The following MNT variants were observed in gnomAD, a reference collection of about 807,000 sequenced individuals.
The protein encoded by MNT is max-binding protein MNT.
A neutral mutation model predicts 40.7 loss-of-function variants in MNT; 13 were observed. The observed-to-expected ratio is 0.32, with a 90% CI of 0.21 to 0.51. The LOEUF (loss-of-function observed/expected upper bound fraction) is 0.51, where lower values mean the gene tolerates loss of function less well. MNT is among the 20% of genes least tolerant of loss of function. The pLI is 0.98. For missense variants in MNT, 757 were observed against 792.0 expected, an observed-to-expected ratio of 0.96 and a Z score of 0.53; for synonymous variants, 426 against 354.8, an observed-to-expected ratio of 1.20 and a Z score of -2.26.
chr17:2,395,043 C>T lies in MNT; in HGVS notation c.485G>A (p.Ser162Asn), dbSNP rs776310192. ...DSKATIPPNGSPKPLQPLPTP... is the reference protein window; with the variant it reads ...DSKATIPPNGNPKPLQPLPTP... ...GGGGAGGGGCTGCAAAGGCTTGGGG[C>T]TGCCATTGGGTGGAATGGTGGCCTT... is the stretch of plus-strand genomic sequence containing the variant. Residue 162 changes from serine (S) to asparagine (N), a missense_variant, in exon 2 of 6, where the codon AGC becomes AAC. Physicochemically the swap from Ser to Asn is conservative, Grantham distance 46 (BLOSUM62 1). Transcript: ENST00000174618. 3 of 1,581,804 alleles carry T rather than the reference C, an allele frequency of 1.9e-6. No individual in the cohort carries two copies. Among genetic ancestry groups the T allele is most frequent in the Middle Eastern group, 1.7e-4 (1 of 5,924 alleles).
In MNT at chr17:2,388,868, A is replaced by G. The variant is rs531885485; in HGVS notation, c.808-819T>C. Among the ~76,000 whole-genome samples the G allele has an allele frequency of 2.0e-5, 3 of 152,092 alleles. No individual in the cohort carries two copies. In the East Asian group the frequency reaches 5.8e-4, roughly 29 times the overall value. On this transcript the variant is annotated intron_variant, in intron 4 of 5. Coordinates refer to ENST00000174618, the MANE Select transcript of MNT (RefSeq NM_020310.3). ...TGGCAGCTTTTCGCCCAGGCACGTC[A>G]TGACCAATGTGTCCACCAGGCAACG...
chr17:2,399,445 G>A (rs1023067219), intron 1 of MNT, among the ~76,000 whole-genome samples: 8 of 152,168 alleles, frequency 5.3e-5, no homozygotes, highest in Non-Finnish European at 1.0e-4. Flanking sequence ...GGGGTCAGTG[G>A]AAAAATGTGA....
chr17:2,401,042 A>C lies in MNT; in HGVS notation c.-330T>G. 9.3e-6 allele frequency: 2 copies of C among 216,196 alleles called. No homozygotes were observed. The highest frequency in any genetic ancestry group is 9.3e-6 in the Non-Finnish European group (1 of 107,868). The allele number at this position is 216,196 out of a possible 1,614,324, so 13.4% of individuals were successfully genotyped here. On this transcript the variant is annotated 5_prime_UTR_variant, in exon 1 of 6. Transcript: ENST00000174618. ...GCCCCCGGGAGTCCCGCCGACAAGA[A>C]AGGGCTTTGCAACAAGATGGCGAGG...
intron 1 of MNT, among the ~76,000 whole-genome samples, chr17:2,395,829 G>C (rs951028949): frequency 6.6e-6 from 1 of 150,556 alleles, no homozygotes; most frequent in South Asian, 2.1e-4. Flanking sequence ...GGGCAGCGAG[G>C]GTCAGGGGAC....
chr17:2,388,392 C>G (rs2066486024), intron 4 of MNT: 6 of 270,148 alleles, frequency 2.2e-5, no homozygotes, highest in Admixed American at 5.2e-5. Flanking sequence ...CACACTTCTG[C>G]CGCGAGCTAC....
chr17:2,387,815 A>G (rs2066479855), intron 5 of MNT, 42 bp downstream of exon 5: 1 of 1,551,246 alleles, frequency 6.4e-7, no homozygotes, highest in African/African-American at 1.4e-5. Context: ...TTGAGGTGTA[A>G]CATCTGAGGG....
At position 2,387,973 on chromosome 17, in the gene MNT, C is replaced by T; in HGVS notation, c.884G>A (p.Arg295Gln). Residue 295 changes from arginine to glutamine, a missense_variant, in exon 5 of 6, where the codon CGG (arginine) becomes CAG (glutamine). Around this residue, in one of 4 missense-constraint regions of MNT, gnomAD observed 73 missense variants for 100.8 expected, o/e 0.72. Coordinates refer to ENST00000174618, the MANE Select transcript of MNT (RefSeq NM_020310.3). ...LAREKIATQQ[R>Q]LAELKHELSQ... is the part of the protein sequence containing the mutation. ...CAGCTCGTGCTTGAGCTCTGCCAGC[C>T]GCTGCTGCGTGGCAATCTTCTCACG... The T allele has an allele frequency of 1.3e-6, 2 of 1,596,762 alleles. No individual in the cohort carries two copies. The highest frequency in any genetic ancestry group is 1.1e-5 in the South Asian group (1 of 89,024).
chr17:2,395,564 A>T, intron 1 of MNT, 110 bp from the exon 2 acceptor site: 1 of 1,514,698 alleles, frequency 6.6e-7, no homozygotes, highest in South Asian at 1.2e-5. Context: ...ACCCCTGCTC[A>T]GCGAGAGACA....
In MNT at chr17:2,394,279, A is replaced by G. The variant is rs376122518; in HGVS notation, c.695+26T>C. The G allele has an allele frequency of 2.0e-3, 1,426 of 726,178 alleles. 2 individuals are homozygous for G. Among genetic ancestry groups the G allele is most frequent in the Non-Finnish European group, 2.4e-3 (1,161 of 481,612 alleles). 45.0% of individuals were successfully genotyped at this position (726,178 alleles called of 1,614,324 possible). A position where few individuals can be genotyped will look rare whatever the true frequency, so the allele number is the denominator to read the frequency against. ...GGGTCGCGCGCGCACGCACGCACGC[A>G]CACACACACACACACACACACACAC... is the stretch of plus-strand genomic sequence containing the variant. On this transcript the variant is annotated intron_variant, in intron 3 of 5. Coordinates refer to ENST00000174618, the MANE Select transcript of MNT (RefSeq NM_020310.3).
chr17:2,394,061 C>G lies in MNT; in HGVS notation c.789G>C (p.Thr263=), dbSNP rs758575504. 6.2e-7 allele frequency: 1 copy of G among 1,604,936 alleles called. No homozygotes were observed. Among genetic ancestry groups the G allele is most frequent in the Non-Finnish European group, 8.5e-7 (1 of 1,176,252 alleles). Residue 263 remains threonine (T), a synonymous_variant, in exon 4 of 6, where the codon ACG becomes ACC. Coordinates refer to ENST00000174618, the MANE Select transcript of MNT (RefSeq NM_020310.3). ...CCCATACCTGGATGTACCGCAGCGC[C>G]GTCCGCAGCACGCTCAGATTGGACG... ...KKTSNLSVLR[T]ALRYIQSLKR...
chr17:2,397,884 A>T (rs1188890513), intron 1 of MNT, among the ~76,000 whole-genome samples: 12 of 152,200 alleles, frequency 7.9e-5, no homozygotes, highest in Non-Finnish European at 1.3e-4. Flanking sequence ...GCGCCCCCTC[A>T]CATGCTTCCC....
At chr17:2,395,557 C>A in intron 1 of MNT, 103 bp from the exon 2 acceptor site, 1 of 1,538,232 alleles carries the variant, frequency 6.5e-7, no homozygotes, top group East Asian at 2.3e-5. Flanking sequence ...CAGTGACACC[C>A]CTGCTCAGCG....
intron 4 of MNT, chr17:2,390,431 C>A (rs2429918): frequency 0.024 from 3,719 of 152,410 alleles, 91 homozygotes; most frequent in Non-Finnish European, 0.033. Flanking sequence ...GCGCTCTGAT[C>A]CTGTCACATC....
rs770851621 is a variant in MNT, at chr17:2,387,360, C to T, written c.1290G>A (p.Leu430=). 6.2e-7 allele frequency: 1 copy of T among 1,612,354 alleles called. No individual in the cohort carries two copies. Among genetic ancestry groups the T allele is most frequent in the Admixed American group, 1.7e-5 (1 of 59,704 alleles). The change falls in exon 6 of 6, where the codon CTG becomes CTA. Residue 430 remains leucine, a synonymous_variant. Transcript: ENST00000174618. ...TGGAGCCACCCCCAGCCGTCGCCAC[C>T]AGATGGGCTGGAGCTGGCACCAGTG... ...AQTLVPAPAH[L]VATAGGGSTV... is the part of the protein sequence containing the mutation.
chr17:2,394,265 GCA>G lies in MNT; in HGVS notation c.695+38_695+39del, dbSNP rs1491569220. On this transcript the variant is annotated intron_variant, in intron 3 of 5. Transcript: ENST00000174618. ...GGCCGCCGGGGCCCGGGTCGCGCGC[GCA>G]CGCACGCACGCACACACACACACAC... 18 of 1,486,936 alleles carry G rather than the reference GCA, an allele frequency of 1.2e-5. No individual in the cohort carries two copies. In the African/African-American group the frequency reaches 1.5e-4, roughly 13 times the overall value. 92.1% of individuals were successfully genotyped at this position (1,486,936 alleles called of 1,614,324 possible). A position where few individuals can be genotyped will look rare whatever the true frequency, so the allele number is the denominator to read the frequency against.
chr17:2,387,091 A>C lies in MNT; in HGVS notation c.1559T>G (p.Ile520Ser). 3 of 1,575,314 alleles carry C rather than the reference A, an allele frequency of 1.9e-6. No homozygotes were observed. Among genetic ancestry groups the C allele is most frequent in the Non-Finnish European group, 2.6e-6 (3 of 1,160,948 alleles). Residue 520 changes from isoleucine (I) to serine (S), a missense_variant, in exon 6 of 6, where the codon ATC (isoleucine) becomes AGC (serine). Coordinates refer to ENST00000174618, the MANE Select transcript of MNT (RefSeq NM_020310.3). ...TTGCTGGTGCGAGAGGGTGTGGGCG[A>C]TGTGGCTCACTGCCACGGGCTGCGG... The part of the protein sequence containing the change: ...LYPQPVAVSH[I>S]AHTLSHQQVN...
At chr17:2,398,752 G>C (rs1344642584) in intron 1 of MNT, among the ~76,000 whole-genome samples, 1 of 152,170 alleles carries the variant, frequency 6.6e-6, no homozygotes, top group Non-Finnish European at 1.5e-5. Context: ...CCTTGTGCAC[G>C]GTCTTCCCCT....
intron 1 of MNT, chr17:2,396,475 TGAG>T (rs773481632): frequency 5.2e-5 from 8 of 152,512 alleles, no homozygotes; most frequent in Non-Finnish European, 1.2e-4. Flanking sequence ...AGAGGGCAGT[TGAG>T]GAGGAGGAGG....
intron 4 of MNT, among the ~76,000 whole-genome samples, chr17:2,393,311 GC>G (rs1555611740): frequency 3.9e-5 from 6 of 152,090 alleles, no homozygotes; most frequent in Non-Finnish European, 2.9e-5. Flanking sequence ...ACGTGGCGGC[GC>G]CCCCGGCCCG....
Sources: allele counts gnomAD v4.1 joint callset (sites outside exome capture counted in the v4.1 genomes callset), GRCh38; gene constraint gnomAD v4.1.1; regional missense constraint gnomAD v4.1.1; transcripts MANE v1.5; gene names NCBI Gene and HGNC (gene_info 2026-07-23, HGNC 2026-07-21).